Variants in MLH3 observed in about 807,000 individuals in gnomAD.
MLH3 encodes the protein DNA mismatch repair protein Mlh3.
Under a neutral mutation model 122.2 loss-of-function variants are expected in MLH3, and 82 were observed. The observed-to-expected ratio is 0.67, with a 90% CI of 0.56 to 0.81. The LOEUF (loss-of-function observed/expected upper bound fraction) is 0.81. Among genes scored for constraint, MLH3 ranks in the 30% least tolerant of loss-of-function variants. The probability of loss-of-function intolerance (pLI) is 0.00; values close to 1 mark genes in which losing one functional copy is unlikely to be tolerated. For missense variants in MLH3, 1,539 were observed against 1,714.5 expected (o/e 0.90, Z 1.81); for synonymous variants, 524 against 599.5 (o/e 0.87, Z 1.84).
intron 2 of MLH3, among the ~76,000 whole-genome samples, chr14:75,045,945 G>A (rs149061774): frequency 4.5e-4 from 69 of 152,196 alleles, no homozygotes; most frequent in Middle Eastern, 3.4e-3. Flanking sequence ...CTGGGAGGCC[G>A]AGGCAGGTGG....
rs1012536605 is a variant in MLH3, at chr14:75,014,300, C to T, written c.*2782G>A. 1.7e-5 allele frequency: 3 copies of T among 174,720 alleles called. No homozygotes were observed. The highest frequency in any genetic ancestry group is 3.7e-5 in the Non-Finnish European group (3 of 80,994). The allele number at this position is 174,720 out of a possible 1,614,324, so 10.8% of individuals were successfully genotyped here. Reference sequence around the variant, plus strand: ...GTACCTGACCTCTGACTGCTAGAACCTCTCCATTCTTACATCTCATGTAGT... The same window carrying T: ...GTACCTGACCTCTGACTGCTAGAACTTCTCCATTCTTACATCTCATGTAGT... On this transcript the variant is annotated 3_prime_UTR_variant, in exon 13 of 13. Transcript: ENST00000355774.
intron 6 of MLH3, 50 bp from the exon 7 acceptor site, chr14:75,033,540 C>T (rs1365176441): frequency 4.9e-6 from 7 of 1,422,716 alleles, no homozygotes; most frequent in Non-Finnish European, 7.0e-6. Flanking sequence ...AGACGACAAC[C>T]ATCATGTGTG....
chr14:75,038,812 AC>A (rs1891600588), intron 5 of MLH3, among the ~76,000 whole-genome samples: 1 of 151,970 alleles, frequency 6.6e-6, no homozygotes, highest in African/African-American at 2.4e-5. Flanking sequence ...TTATGGAGAA[AC>A]TAGTCTATTT....
rs148876417 is a variant in MLH3 at position 75,047,563 on chromosome 14, T to C, written c.2093A>G (p.Gln698Arg). The change falls in exon 2 of 13, where the codon CAG becomes CGG. Residue 698 changes from glutamine to arginine, a missense_variant. By Grantham distance (43) the Gln-to-Arg change is conservative. Transcript: ENST00000355774. ...TGTTTGTGATTTTTTGCTACCTTCC[T>C]GAAAAGCAGAAAACATTGTATAAGT... ...TATYTMFSAF[Q>R]EGSKKSQTDC... The C allele has an allele frequency of 2.0e-4, 325 of 1,614,074 alleles. No individual in the cohort carries two copies. The East Asian group carries it at 6.6e-3, about 33-fold the overall frequency.
At chr14:75,033,608 C>T (rs2139414681) in intron 6 of MLH3, 118 bp from the exon 7 acceptor site, 1 of 752,148 alleles carries the variant, frequency 1.3e-6, no homozygotes. Context: ...ACAAAACATT[C>T]TGAGGAGTAA....
chr14:75,033,219 A>G (rs963003576), intron 7 of MLH3, among the ~76,000 whole-genome samples, 200 bp downstream of exon 7: 3 of 152,194 alleles, frequency 2.0e-5, no homozygotes, highest in Non-Finnish European at 2.9e-5. Context: ...GACCACATAA[A>G]TAAGTTCACA....
intron 5 of MLH3, 49 bp downstream of exon 5, chr14:75,039,862 T>TATATATATAC: frequency 1.5e-5 from 1 of 67,888 alleles, no homozygotes; most frequent in Non-Finnish European, 3.4e-5. Flanking sequence ...TATATATATA[T>TATATATATAC]ATATATATAT....
chr14:75,027,358 C>A (rs145719152), intron 9 of MLH3, among the ~76,000 whole-genome samples: 3,248 of 151,102 alleles, frequency 0.021, 63 homozygotes, highest in African/African-American at 0.047. Flanking sequence ...CTCCCGGGTT[C>A]AAGTGATTCT....
At chr14:75,026,313 A>G (rs1006990328) in intron 9 of MLH3, among the ~76,000 whole-genome samples, 2 of 152,220 alleles carry the variant, frequency 1.3e-5, no homozygotes, top group Admixed American at 6.5e-5. Context: ...AGATTTGGGG[A>G]AAAAAACACA....
At position 75,047,166 on chromosome 14, in the gene MLH3, A is replaced by C. The variant is rs114015611; in HGVS notation, c.2490T>G (p.Phe830Leu). Residue 830 changes from phenylalanine (F) to leucine (L), a missense_variant, in exon 2 of 13, where the codon TTT becomes TTG. By Grantham distance (22) the Phe-to-Leu change is conservative. Transcript: ENST00000355774. Reference sequence around the variant, plus strand: ...AACAATCTTCATCCTTGGAGAATGGAAACTTCTCTGAGTTAAGGATGTGGC... The same window carrying C: ...AACAATCTTCATCCTTGGAGAATGGCAACTTCTCTGAGTTAAGGATGTGGC... Reference protein sequence around the residue: ...PASHILNSEKFPFSKDEDCLE... With the variant: ...PASHILNSEKLPFSKDEDCLE... 485 of 1,614,168 alleles carry C rather than the reference A, an allele frequency of 3.0e-4. 3 individuals carry two copies. In the African/African-American group the frequency reaches 5.8e-3, roughly 19 times the overall value.
chr14:75,037,296 T>A (rs181057339), intron 6 of MLH3, among the ~76,000 whole-genome samples: 2 of 152,230 alleles, frequency 1.3e-5, no homozygotes, highest in Non-Finnish European at 2.9e-5. Flanking sequence ...CTGAACTCCC[T>A]GATGAAATCA....
At chr14:75,041,497 G>A (rs1455125670) in intron 4 of MLH3, 118 bp downstream of exon 4, 41 of 788,928 alleles carry the variant, frequency 5.2e-5, no homozygotes, top group East Asian at 7.9e-5. Flanking sequence ...TACGTGAGCC[G>A]AGATCATGCC....
chr14:75,048,647 A>G lies in MLH3; in HGVS notation c.1009T>C (p.Leu337=), dbSNP rs1892438542. The change falls in exon 2 of 13, where the codon TTG becomes CTG. Residue 337 remains leucine (L), a synonymous_variant. Transcript: ENST00000355774. ...LIEFQNWDTL[L]FCIQEGVKMF... ...TTCACTCCTTCCTGAATGCAAAACA[A>G]GAGAGTGTCCCAGTTCTGAAATTCA... 2 of 1,614,070 alleles carry G rather than the reference A, an allele frequency of 1.2e-6. No homozygotes were observed. The highest frequency in any genetic ancestry group is 2.7e-5 in the African/African-American group (2 of 74,930).
rs1889919370 is a variant in MLH3 at position 75,016,939 on chromosome 14, A to G, written c.*143T>C. The G allele has an allele frequency of 2.2e-6, 2 of 901,572 alleles. No individual in the cohort carries two copies. The highest frequency in any genetic ancestry group is 3.7e-6 in the Non-Finnish European group (2 of 545,638). 55.8% of individuals were successfully genotyped at this position (901,572 alleles called of 1,614,324 possible). On this transcript the variant is annotated 3_prime_UTR_variant, in exon 13 of 13. Transcript: ENST00000355774. Reference sequence around the variant, plus strand: ...GGAATCATCTGCTCAAGAAAGACTGATACAGAGAGCCCTGCTGTCTAAGCT... The same window carrying G: ...GGAATCATCTGCTCAAGAAAGACTGGTACAGAGAGCCCTGCTGTCTAAGCT...
At chr14:75,041,438 G>C (rs1415884968) in intron 4 of MLH3, among the ~76,000 whole-genome samples, 177 bp downstream of exon 4, 1 of 151,988 alleles carries the variant, frequency 6.6e-6, no homozygotes, top group Non-Finnish European at 1.5e-5. Context: ...AATCCCAGCT[G>C]CTCGAGAGAC....
chr14:75,043,090 T>C (rs1256081726), intron 2 of MLH3, among the ~76,000 whole-genome samples: 5 of 152,164 alleles, frequency 3.3e-5, no homozygotes, highest in Non-Finnish European at 7.4e-5. Flanking sequence ...ACACTTTTCA[T>C]TGTCACAACT....
rs554858589 is a variant in MLH3, at chr14:75,047,500, C to A, written c.2156G>T (p.Trp719Leu). Residue 719 changes from tryptophan to leucine, a missense_variant, in exon 2 of 13, where the codon TGG becomes TTG. Trp to Leu is a moderately conservative substitution (Grantham distance 61). Coordinates refer to ENST00000355774, the MANE Select transcript of MLH3 (RefSeq NM_001040108.2). ...ILSDTSPSFP[W>L]YRHVSNDSRK... Reference sequence around the variant, plus strand: ...ACTATCATTGGAAACGTGTCTATACCAGGGGAAAGAGGGGGATGTATCAGA... The same window carrying A: ...ACTATCATTGGAAACGTGTCTATACAAGGGGAAAGAGGGGGATGTATCAGA... The A allele has an allele frequency of 1.9e-6, 3 of 1,614,018 alleles. No individual in the cohort carries two copies. The South Asian group carries it at 3.3e-5, about 18-fold the overall frequency.
Position 75,048,495 on chromosome 14 carries a change from C to A in MLH3, c.1161G>T (p.Arg387Ser). 1 of 1,613,104 alleles carries A rather than the reference C, an allele frequency of 6.2e-7. No homozygotes were observed. Among genetic ancestry groups the A allele is most frequent in the Non-Finnish European group, 8.5e-7 (1 of 1,179,762 alleles). The change falls in exon 2 of 13, where the codon AGG (arginine) becomes AGT (serine). Residue 387 changes from arginine to serine, a missense_variant. Transcript: ENST00000355774. ...TATTACATGCTTCCTGGAAATTGCT[C>A]CTCTCATCGGAAGTCACACGCTTCT... Reference protein sequence around the residue: ...TLQKRVTSDERSNFQEACNNI... With the variant: ...TLQKRVTSDESSNFQEACNNI...
intron 11 of MLH3, among the ~76,000 whole-genome samples, chr14:75,021,461 G>A (rs1198656348): frequency 1.3e-5 from 2 of 151,948 alleles, no homozygotes; most frequent in Non-Finnish European, 2.9e-5. Context: ...AATCTATAAG[G>A]AACTTAAATA....
Sources: allele counts gnomAD v4.1 joint callset (sites outside exome capture counted in the v4.1 genomes callset), GRCh38; gene constraint gnomAD v4.1.1; transcripts MANE v1.5; gene names NCBI Gene and HGNC (gene_info 2026-07-23, HGNC 2026-07-21).